TBC1D22A: variants seen among roughly 807,000 people sequenced by gnomAD.
TBC1D22A encodes putative GTPase activator.
Under a neutral mutation model 60.2 loss-of-function variants are expected in TBC1D22A, and 38 were observed. The observed-to-expected ratio is 0.63, with a 90% CI of 0.49 to 0.83. The LOEUF (loss-of-function observed/expected upper bound fraction) is 0.83, where lower values mean the gene tolerates loss of function less well. Ranked by LOEUF, TBC1D22A falls within the 40% of genes least tolerant of loss-of-function variation. The probability of loss-of-function intolerance (pLI) is 0.00; values close to 1 mark genes in which losing one functional copy is unlikely to be tolerated. For synonymous variants in TBC1D22A, 302 were observed against 281.7 expected (o/e 1.07, Z -0.72); for missense variants, 628 against 701.0 (o/e 0.90, Z 1.18).
chr22:47,050,784 A>G (rs2063182941), intron 11 of TBC1D22A, among the ~76,000 whole-genome samples: 3 of 151,984 alleles, frequency 2.0e-5, no homozygotes, highest in African/African-American at 4.8e-5. Context: ...TGAAGTGCGC[A>G]TCGGTGGAGG....
At chr22:47,142,947 CTGTGGAGT>C (rs2067163039) in intron 12 of TBC1D22A, among the ~76,000 whole-genome samples, 1 of 149,600 alleles carries the variant, frequency 6.7e-6, no homozygotes, top group South Asian at 2.1e-4. Flanking sequence ...CAGTCAAGCA[CTGTGGAGT>C]TCTGAGCCTT....
At chr22:46,915,872 G>A (rs1394886224) in intron 8 of TBC1D22A, 6 of 451,724 alleles carry the variant, frequency 1.3e-5, no homozygotes, top group South Asian at 4.7e-5. Context: ...CTTCGGGAGT[G>A]GCTCATCGTT....
In TBC1D22A at chr22:46,858,467, C is replaced by CT. The variant is rs571856129; in HGVS notation, c.638-20186_638-20185insT. Among the ~76,000 whole-genome samples, 741 of 152,268 alleles carry CT rather than the reference C, an allele frequency of 4.9e-3. 13 individuals carry two copies. Among genetic ancestry groups the CT allele is most frequent in the African/African-American group, 0.017 (688 of 41,530 alleles). The stretch of plus-strand genomic sequence containing the variant: ...TTTGTTTCTTGTGGCAAACACCCCC[C>CT]CCAGCTCTGATCCATGTGTATCTCA... On this transcript the variant is annotated intron_variant, in intron 4 of 12. Coordinates refer to ENST00000337137, the MANE Select transcript of TBC1D22A (RefSeq NM_014346.5).
chr22:46,884,399 C>G (rs557100368), intron 5 of TBC1D22A, among the ~76,000 whole-genome samples: 1 of 152,156 alleles, frequency 6.6e-6, no homozygotes, highest in Non-Finnish European at 1.5e-5. Context: ...ACTGTGTTTC[C>G]CATCAGGGAA....
At chr22:46,921,947 G>C (rs917947822) in intron 8 of TBC1D22A, among the ~76,000 whole-genome samples, 1 of 152,000 alleles carries the variant, frequency 6.6e-6, no homozygotes, top group Admixed American at 6.6e-5. Context: ...TTGACATCTT[G>C]GTCATGAAAT....
intron 10 of TBC1D22A, among the ~76,000 whole-genome samples, chr22:46,999,521 C>T (rs1425980817): frequency 6.6e-6 from 1 of 152,120 alleles, no homozygotes. Flanking sequence ...GAATTTCTCG[C>T]GTTTGAGCTC....
At chr22:47,169,910 G>C (rs1211891405) in intron 12 of TBC1D22A, among the ~76,000 whole-genome samples, 1 of 152,214 alleles carries the variant, frequency 6.6e-6, no homozygotes, top group South Asian at 2.1e-4. Flanking sequence ...TGCCCTCCTG[G>C]ACAGGCAGCA....
chr22:47,019,238 G>A (rs906875295), intron 10 of TBC1D22A, among the ~76,000 whole-genome samples: 5 of 152,218 alleles, frequency 3.3e-5, no homozygotes, highest in African/African-American at 7.2e-5. Flanking sequence ...GCACCTGCTC[G>A]TGCCTCCTAC....
At chr22:47,088,367 T>C (rs749502701) in intron 11 of TBC1D22A, among the ~76,000 whole-genome samples, 6 of 152,132 alleles carry the variant, frequency 3.9e-5, no homozygotes, top group Non-Finnish European at 7.3e-5. Context: ...TCTTGGGTCA[T>C]GCCAAGAGCC....
chr22:47,068,365 T>A (rs1479071575), intron 11 of TBC1D22A, among the ~76,000 whole-genome samples: 1 of 152,220 alleles, frequency 6.6e-6, no homozygotes, highest in African/African-American at 2.4e-5. Context: ...GGAGAGCCGG[T>A]GTCACCAAAG....
intron 4 of TBC1D22A, among the ~76,000 whole-genome samples, chr22:46,843,494 C>T (rs1414745585): frequency 7.0e-6 from 1 of 143,238 alleles, no homozygotes; most frequent in African/African-American, 3.0e-5. Flanking sequence ...TCAGCATGCC[C>T]CCTTTGTTAT....
chr22:47,059,836 A>G (rs2063510119), intron 11 of TBC1D22A, among the ~76,000 whole-genome samples: 1 of 152,216 alleles, frequency 6.6e-6, no homozygotes, highest in Non-Finnish European at 1.5e-5. Flanking sequence ...TGGTTTTGGA[A>G]GAGGACCATC....
chr22:46,821,574 A>G (rs2085833128), intron 4 of TBC1D22A, among the ~76,000 whole-genome samples: 1 of 151,954 alleles, frequency 6.6e-6, no homozygotes, highest in African/African-American at 2.4e-5. Context: ...TTGAATATTG[A>G]TTCTTTCTCT....
At chr22:47,072,860 C>G (rs2064059597) in intron 11 of TBC1D22A, among the ~76,000 whole-genome samples, 1 of 152,258 alleles carries the variant, frequency 6.6e-6, no homozygotes, top group African/African-American at 2.4e-5. Flanking sequence ...CCTGCCCTGC[C>G]TGTCTGCTGG....
intron 4 of TBC1D22A, among the ~76,000 whole-genome samples, chr22:46,877,190 T>A (rs79668757): frequency 0.029 from 4,474 of 152,328 alleles, 88 homozygotes; most frequent in Middle Eastern, 0.078. Flanking sequence ...CTCTTTCATA[T>A]ACAATAGTGA....
At chr22:47,050,160 C>T (rs536997558) in intron 11 of TBC1D22A, among the ~76,000 whole-genome samples, 7 of 152,336 alleles carry the variant, frequency 4.6e-5, no homozygotes, top group African/African-American at 7.2e-5. Flanking sequence ...CCTGCCACCA[C>T]GCCTGGCTAA....
chr22:47,000,896 A>C (rs1184783046), intron 10 of TBC1D22A, among the ~76,000 whole-genome samples: 1 of 152,190 alleles, frequency 6.6e-6, no homozygotes, highest in East Asian at 1.9e-4. Context: ...TATCTACAAA[A>C]TAAGGACTTC....
chr22:46,852,820 T>C (rs1475319719), intron 4 of TBC1D22A, among the ~76,000 whole-genome samples: 1 of 152,182 alleles, frequency 6.6e-6, no homozygotes, highest in Non-Finnish European at 1.5e-5. Context: ...TAGGGAGAGC[T>C]GCGCTTTGCT....
At chr22:47,011,738 T>C (rs1246976058) in intron 10 of TBC1D22A, among the ~76,000 whole-genome samples, 1 of 152,176 alleles carries the variant, frequency 6.6e-6, no homozygotes, top group Non-Finnish European at 1.5e-5. Flanking sequence ...TTTCTTTGGG[T>C]TTTCTTCTTA....
Sources: gnomAD v4.1 joint callset for allele counts (sites outside exome capture counted in the v4.1 genomes callset) on GRCh38, gnomAD v4.1.1 for gene constraint, MANE v1.5 for transcripts, NCBI Gene and HGNC (gene_info 2026-07-23, HGNC 2026-07-21) for gene names.